DLG1: variants seen among roughly 807,000 people sequenced by gnomAD.
DLG1 encodes the protein discs large MAGUK scaffold protein 1.
A neutral mutation model predicts 123.4 loss-of-function variants in DLG1; 42 were observed. The ratio of observed to expected loss-of-function variants is 0.34; its 90% CI spans 0.27 to 0.44. The LOEUF is 0.44. DLG1 is among the 20% of genes least tolerant of loss of function. DLG1 has a pLI of 1.00. For synonymous variants in DLG1, 317 were observed against 356.2 expected, an observed-to-expected ratio of 0.89 and a Z score of 1.24; for missense variants, 942 against 1,082.6, an observed-to-expected ratio of 0.87 and a Z score of 1.82.
In DLG1 at chr3:197,060,783, A is replaced by C. The variant is rs191488970; in HGVS notation, c.2374-785T>G. ...ATTATTTATGACAGATTTTCTTCTA[A>C]TACATTTGAAATCAGGCCCTCCCCG... On this transcript the variant is annotated intron_variant, in intron 22 of 24. Coordinates refer to ENST00000667157, the MANE Select transcript of DLG1 (RefSeq NM_001366207.1). Among the ~76,000 whole-genome samples, 6 of 152,306 alleles carry C rather than the reference A, an allele frequency of 3.9e-5. No homozygotes were observed. In the East Asian group the frequency reaches 9.7e-4, roughly 25 times the overall value.
chr3:197,148,256 A>AAAAAAAAAAAAAAAAAAAAAAAC (rs1792021937), intron 6 of DLG1, among the ~76,000 whole-genome samples: 1 of 144,284 alleles, frequency 6.9e-6, no homozygotes. Flanking sequence ...AAAAAAAAAA[A>AAAAAAAAAAAAAAAAAAAAAAAC]AAAAATAGCC....
At chr3:197,101,823 ACT>A (rs1434604158) in intron 14 of DLG1, among the ~76,000 whole-genome samples, 4 of 145,412 alleles carry the variant, frequency 2.8e-5, no homozygotes, top group African/African-American at 1.0e-4. Context: ...ACGGGGTCTC[ACT>A]CTGTCGCCCA....
chr3:197,126,911 T>C (rs1442763367), intron 11 of DLG1, among the ~76,000 whole-genome samples: 2 of 152,160 alleles, frequency 1.3e-5, no homozygotes, highest in Non-Finnish European at 2.9e-5. Context: ...TTGGAAGCAC[T>C]GTTACTTTAA....
At chr3:197,098,945 T>C (rs751275723) in intron 14 of DLG1, among the ~76,000 whole-genome samples, 4 of 152,392 alleles carry the variant, frequency 2.6e-5, no homozygotes, top group Non-Finnish European at 5.9e-5. Context: ...ATTTACCTAC[T>C]TAAGATTCCT....
intron 5 of DLG1, among the ~76,000 whole-genome samples, chr3:197,150,177 T>C (rs1027456549): frequency 3.3e-5 from 5 of 151,900 alleles, no homozygotes; most frequent in Non-Finnish European, 7.4e-5. Flanking sequence ...AATCATTTCA[T>C]CACCCAGGAG....
chr3:197,052,452 C>G (rs1728555213), intron 23 of DLG1, among the ~76,000 whole-genome samples: 1 of 151,932 alleles, frequency 6.6e-6, no homozygotes, highest in Admixed American at 6.5e-5. Context: ...GAGACTCTGT[C>G]TCCACAACAA....
At chr3:197,248,734 A>G (rs889286759) in intron 4 of DLG1, among the ~76,000 whole-genome samples, 6 of 152,150 alleles carry the variant, frequency 3.9e-5, no homozygotes, top group East Asian at 1.9e-4. Context: ...CAGGAAGTTT[A>G]TTTTTTGTAC....
chr3:197,227,225 A>C (rs1740407408), intron 4 of DLG1, among the ~76,000 whole-genome samples: 2 of 152,202 alleles, frequency 1.3e-5, no homozygotes, highest in South Asian at 4.1e-4. Context: ...TAATCCCAGC[A>C]CTTCAGGTGG....
At chr3:197,137,676 G>GT (rs1482419620) in intron 9 of DLG1, among the ~76,000 whole-genome samples, 1 of 151,874 alleles carries the variant, frequency 6.6e-6, no homozygotes, top group Non-Finnish European at 1.5e-5. Context: ...ATCAATAAAC[G>GT]TAAGAATTTT....
intron 15 of DLG1, among the ~76,000 whole-genome samples, chr3:197,086,510 C>A (rs1199859157): frequency 6.6e-6 from 1 of 152,100 alleles, no homozygotes; most frequent in African/African-American, 2.4e-5. Context: ...ATAATTTATT[C>A]ATTCTTTTGT....
intron 5 of DLG1, among the ~76,000 whole-genome samples, chr3:197,171,349 A>G (rs1318157200): frequency 1.3e-5 from 2 of 152,174 alleles, no homozygotes; most frequent in Non-Finnish European, 2.9e-5. Flanking sequence ...GTCACTGCAA[A>G]CAGGTATCTT....
chr3:197,139,156 G>T (rs1263770442), intron 8 of DLG1, among the ~76,000 whole-genome samples: 1 of 152,008 alleles, frequency 6.6e-6, no homozygotes, highest in Non-Finnish European at 1.5e-5. Flanking sequence ...CTTTTCCCTA[G>T]TTCTGGTCTC....
intron 8 of DLG1, 47 bp from the exon 9 acceptor site, chr3:197,138,438 A>C (rs770697012): frequency 2.8e-6 from 3 of 1,061,678 alleles, no homozygotes; most frequent in Non-Finnish European, 3.6e-6. Context: ...ATATAATTTA[A>C]ATATAAATTT....
At chr3:197,045,081 C>T (rs147363588) in intron 24 of DLG1, among the ~76,000 whole-genome samples, 570 of 151,994 alleles carry the variant, frequency 3.8e-3, no homozygotes, top group Non-Finnish European at 4.9e-3. Flanking sequence ...TGGGTACAAT[C>T]CCATAGACAG....
rs181636075 is a variant in DLG1, at chr3:197,166,026, G to A, written c.484-16230C>T. Among the ~76,000 whole-genome samples the A allele has an allele frequency of 1.8e-3, 270 of 152,312 alleles. 2 individuals carry two copies. Among genetic ancestry groups the A allele is most frequent in the Non-Finnish European group, 3.3e-3 (226 of 68,024 alleles). Reference sequence around the variant, plus strand: ...AGCATCTGTAGGCAGGGAGTGGAAGGGAGGCAATAGCCTGGCAAAGGGTGC... The same window carrying A: ...AGCATCTGTAGGCAGGGAGTGGAAGAGAGGCAATAGCCTGGCAAAGGGTGC... On this transcript the variant is annotated intron_variant, in intron 5 of 24. Transcript: ENST00000667157.
At chr3:197,232,907 C>T (rs147558113) in intron 4 of DLG1, among the ~76,000 whole-genome samples, 31 of 145,174 alleles carry the variant, frequency 2.1e-4, no homozygotes, top group Non-Finnish European at 3.3e-4. Flanking sequence ...TGGTGAAAGA[C>T]GATGCTTTCT....
At chr3:197,220,998 C>T (rs1389820179) in intron 4 of DLG1, among the ~76,000 whole-genome samples, 1 of 152,154 alleles carries the variant, frequency 6.6e-6, no homozygotes, top group Non-Finnish European at 1.5e-5. Context: ...TTATTTATTA[C>T]ACAGTATTTT....
chr3:197,068,406 T>C (rs574231460), intron 19 of DLG1: 8 of 815,442 alleles, frequency 9.8e-6, no homozygotes, highest in African/African-American at 8.7e-5. Flanking sequence ...ATTAAGTAAC[T>C]ATTGTGTAGA....
chr3:197,216,878 A>C (rs1220634389), intron 4 of DLG1, among the ~76,000 whole-genome samples: 1 of 152,318 alleles, frequency 6.6e-6, no homozygotes, highest in East Asian at 1.9e-4. Context: ...ACTGACAGAG[A>C]GATATTTTAC....
Sources: gnomAD v4.1 joint callset for allele counts (sites outside exome capture counted in the v4.1 genomes callset) on GRCh38, gnomAD v4.1.1 for gene constraint, MANE v1.5 for transcripts, NCBI Gene and HGNC (gene_info 2026-07-23, HGNC 2026-07-21) for gene names.